The following UGGT1 variants were observed in gnomAD, a reference collection of about 807,000 sequenced individuals.
UGGT1 encodes the protein UDP-glucose:glycoprotein glucosyltransferase 1.
A neutral mutation model predicts 203.9 loss-of-function variants in UGGT1; 107 were observed. The ratio of observed to expected loss-of-function variants is 0.52; its 90% CI spans 0.45 to 0.62. The LOEUF is 0.62. Ranked by LOEUF, UGGT1 falls within the 20% of genes least tolerant of loss-of-function variation. UGGT1 has a pLI of 0.00. For missense variants in UGGT1, 1,673 were observed against 1,867.2 expected, an observed-to-expected ratio of 0.90 and a Z score of 1.92; for synonymous variants, 628 against 653.5, an observed-to-expected ratio of 0.96 and a Z score of 0.59.
intron 27 of UGGT1, 63 bp downstream of exon 27, chr2:128,170,453 T>A: frequency 7.0e-7 from 1 of 1,438,686 alleles, no homozygotes; most frequent in Non-Finnish European, 9.8e-7. Context: ...GCTCTGAAAT[T>A]CACTGAGAGC....
intron 18 of UGGT1, chr2:128,151,102 C>T (rs1689940304): frequency 3.2e-6 from 1 of 309,184 alleles, no homozygotes; most frequent in African/African-American, 2.2e-5. Context: ...CCACCCGCCT[C>T]AGCCTCCCAA....
intron 16 of UGGT1, among the ~76,000 whole-genome samples, chr2:128,139,216 G>A (rs1689289096): frequency 6.6e-6 from 1 of 152,122 alleles, no homozygotes; most frequent in South Asian, 2.1e-4. Flanking sequence ...TTGTTTGTTT[G>A]AATATATCTT....
intron 34 of UGGT1, among the ~76,000 whole-genome samples, chr2:128,179,404 G>A (rs1213651047): frequency 6.6e-6 from 1 of 152,174 alleles, no homozygotes; most frequent in Non-Finnish European, 1.5e-5. Flanking sequence ...TCTTCCCTTA[G>A]CACCAGATGC....
chr2:128,142,978 A>G (rs928063932), intron 16 of UGGT1, 116 bp from the exon 17 acceptor site: 4 of 321,206 alleles, frequency 1.2e-5, no homozygotes, highest in Admixed American at 1.3e-4. Flanking sequence ...ACTCCGTCTC[A>G]AAAAAAAAAA....
chr2:128,138,649 G>T, intron 15 of UGGT1, 68 bp from the exon 16 acceptor site: 1 of 1,554,086 alleles, frequency 6.4e-7, no homozygotes, highest in Non-Finnish European at 8.7e-7. Flanking sequence ...AGGGTACAAG[G>T]ATGTCATTCT....
intron 31 of UGGT1, among the ~76,000 whole-genome samples, chr2:128,176,528 A>T (rs2104801126): frequency 6.6e-6 from 1 of 152,092 alleles, no homozygotes; most frequent in South Asian, 2.1e-4. Flanking sequence ...TTGTGAACAC[A>T]GGCGGTTGTT....
chr2:128,095,607 G>C (rs780002623), intron 1 of UGGT1, among the ~76,000 whole-genome samples: 3 of 151,918 alleles, frequency 2.0e-5, no homozygotes, highest in Non-Finnish European at 4.4e-5. Flanking sequence ...TCCCACCTTA[G>C]CCTCCCAAGT....
intron 5 of UGGT1, among the ~76,000 whole-genome samples, chr2:128,112,079 C>T (rs1346119068): frequency 6.6e-6 from 1 of 151,182 alleles, no homozygotes; most frequent in African/African-American, 2.4e-5. Flanking sequence ...CGACTGTGCT[C>T]TAGCCTAAGT....
intron 32 of UGGT1, 145 bp downstream of exon 32, chr2:128,177,043 G>C: frequency 1.5e-6 from 1 of 681,532 alleles, no homozygotes; most frequent in South Asian, 2.0e-5. Flanking sequence ...CTTTGTAACT[G>C]TGAGTTTGTG....
intron 15 of UGGT1, among the ~76,000 whole-genome samples, chr2:128,135,683 A>G (rs1204793795): frequency 6.6e-6 from 1 of 152,114 alleles, no homozygotes; most frequent in African/African-American, 2.4e-5. Flanking sequence ...ATACTTTCAA[A>G]CCCTTTAGGG....
At chr2:128,189,582 C>T in intron 40 of UGGT1, 135 bp from the exon 41 acceptor site, 1 of 924,294 alleles carries the variant, frequency 1.1e-6, no homozygotes, top group Non-Finnish European at 1.6e-6. Context: ...GCACAAATCC[C>T]AAAGATTTAG....
At chr2:128,177,078 C>T (rs1164698406) in intron 32 of UGGT1, among the ~76,000 whole-genome samples, 180 bp downstream of exon 32, 1 of 151,478 alleles carries the variant, frequency 6.6e-6, no homozygotes, top group Non-Finnish European at 1.5e-5. Flanking sequence ...AAAGATTGTA[C>T]CTTTTGGGTA....
intron 25 of UGGT1, among the ~76,000 whole-genome samples, chr2:128,162,286 A>T (rs1004399209): frequency 6.6e-6 from 1 of 151,322 alleles, no homozygotes; most frequent in Non-Finnish European, 1.5e-5. Context: ...TACTAGATAC[A>T]TGATTTGTAA....
chr2:128,112,733 C>G (rs1277282289), intron 5 of UGGT1, among the ~76,000 whole-genome samples: 2 of 151,194 alleles, frequency 1.3e-5, no homozygotes, highest in Non-Finnish European at 2.9e-5. Flanking sequence ...CAGGTGCATG[C>G]CACCATACCC....
chr2:128,152,919 A>G lies in UGGT1; in HGVS notation c.2137+15A>G. The G allele has an allele frequency of 6.2e-7, 1 of 1,608,364 alleles. No homozygotes were observed. On this transcript the variant is annotated intron_variant, in intron 19 of 40. Coordinates refer to ENST00000259253, the MANE Select transcript of UGGT1 (RefSeq NM_020120.4). ...AACAGCGAGTAGTAAGGAGCATTTC[A>G]GGAACAACCTTATGCTTTTTTTGAC...
chr2:128,108,204 T>TA (rs1391426268), intron 4 of UGGT1, 136 bp downstream of exon 4: 81 of 1,134,422 alleles, frequency 7.1e-5, no homozygotes, highest in Non-Finnish European at 8.2e-5. Flanking sequence ...TTATGATTTT[T>TA]AAAAAAAATA....
At chr2:128,115,958 T>A (rs1302601579) in intron 7 of UGGT1, among the ~76,000 whole-genome samples, 2 of 152,206 alleles carry the variant, frequency 1.3e-5, no homozygotes, top group African/African-American at 4.8e-5. Flanking sequence ...GACTATTAAT[T>A]TCATAATTGT....
intron 10 of UGGT1, 107 bp downstream of exon 10, chr2:128,121,405 CTTTT>C (rs10636999): frequency 3.8e-4 from 174 of 452,194 alleles, no homozygotes; most frequent in South Asian, 7.3e-4. Context: ...AATTAAGATT[CTTTT>C]TTTTTTTTTT....
chr2:128,131,576 G>A (rs1266716752), intron 13 of UGGT1, among the ~76,000 whole-genome samples: 1 of 152,026 alleles, frequency 6.6e-6, no homozygotes. Context: ...AATTTATTTG[G>A]GGTAGATATC....
Sources: gnomAD v4.1 joint callset for allele counts (sites outside exome capture counted in the v4.1 genomes callset) on GRCh38, gnomAD v4.1.1 for gene constraint, MANE v1.5 for transcripts, NCBI Gene and HGNC (gene_info 2026-07-23, HGNC 2026-07-21) for gene names.